TERF2: variants seen among roughly 807,000 people sequenced by gnomAD.
TERF2 encodes telomeric repeat binding factor 2, also known as telomeric repeat-binding factor 2.
A neutral mutation model predicts 56.1 loss-of-function variants in TERF2; 16 were observed. That is an observed-to-expected ratio of 0.29 (90% confidence interval 0.19 to 0.43). TERF2 has a LOEUF of 0.43. Among genes scored for constraint, TERF2 ranks in the 20% least tolerant of loss-of-function variants. The pLI is 1.00. For missense variants in TERF2, 547 were observed against 712.9 expected (o/e 0.77, Z 2.65); for synonymous variants, 296 against 282.1 (o/e 1.05, Z -0.50).
At chr16:69,377,795 A>T (rs2013848543) in intron 3 of TERF2, among the ~76,000 whole-genome samples, 2 of 150,854 alleles carry the variant, frequency 1.3e-5, no homozygotes, top group Admixed American at 1.3e-4. Flanking sequence ...TGCTGTTTTC[A>T]TGTGATGTAT....
chr16:69,370,739 A>T, intron 4 of TERF2, 110 bp from the exon 5 acceptor site: 1 of 1,092,698 alleles, frequency 9.2e-7, no homozygotes, highest in Non-Finnish European at 1.3e-6. Context: ...CCGTCAATGC[A>T]AATCACTGGC....
intron 5 of TERF2, 200 bp from the exon 6 acceptor site, chr16:69,368,682 A>G: frequency 7.2e-7 from 1 of 1,385,080 alleles, no homozygotes; most frequent in South Asian, 1.2e-5. Context: ...AAGATAACTA[A>G]TACATTTTTT....
intron 5 of TERF2, among the ~76,000 whole-genome samples, chr16:69,368,960 G>T (rs2013460034): frequency 6.6e-6 from 1 of 152,104 alleles, no homozygotes; most frequent in Admixed American, 6.6e-5. Context: ...ACAGGCATGA[G>T]CCACCATGCC....
At chr16:69,360,763 T>C (rs543174341) in intron 8 of TERF2, among the ~76,000 whole-genome samples, 2 of 151,986 alleles carry the variant, frequency 1.3e-5, no homozygotes, top group East Asian at 3.9e-4. Context: ...TTTTTTTTTC[T>C]TTAAACAAGA....
At chr16:69,361,298 T>A in intron 8 of TERF2, 106 bp downstream of exon 8, 3 of 826,468 alleles carry the variant, frequency 3.6e-6, no homozygotes, top group Non-Finnish European at 6.0e-6. Flanking sequence ...TTACTGAACT[T>A]TTTCTAGTTC....
intron 3 of TERF2, among the ~76,000 whole-genome samples, chr16:69,383,971 T>C (rs995132130): frequency 1.3e-5 from 2 of 152,246 alleles, no homozygotes. Flanking sequence ...TAATTTCTAC[T>C]GTTTGAAGCT....
chr16:69,366,972 A>G lies in TERF2; in HGVS notation c.1175T>C (p.Leu392Pro), dbSNP rs1236772828. The G allele has an allele frequency of 1.9e-6, 3 of 1,614,220 alleles. No individual in the cohort carries two copies. In the East Asian group the frequency reaches 6.7e-5, roughly 36 times the overall value. ...APADGEGGSE[L>P]QPKNKRMTIS... ...TGTCATGCGCTTGTTCTTGGGCTGC[A>G]GTTCCGAGCCACCCTCACCGTCAGC... The change falls in exon 7 of 10, where the codon CTG becomes CCG. Residue 392 changes from leucine (L) to proline (P), a missense_variant. Around this residue, in one of 6 missense-constraint regions of TERF2, gnomAD observed 211 missense variants for 236.8 expected, o/e 0.89. Coordinates refer to ENST00000254942, the MANE Select transcript of TERF2 (RefSeq NM_005652.5).
chr16:69,384,998 T>C (rs2014136779), intron 2 of TERF2, among the ~76,000 whole-genome samples: 1 of 152,118 alleles, frequency 6.6e-6, no homozygotes, highest in Admixed American at 6.6e-5. Context: ...CCTCCTCAGA[T>C]ACGAGTGGCA....
chr16:69,370,373 A>G (rs1330803821), intron 5 of TERF2, 110 bp downstream of exon 5: 1 of 1,421,534 alleles, frequency 7.0e-7, no homozygotes, highest in East Asian at 2.3e-5. Flanking sequence ...AAGCTAGTGC[A>G]TACAATTCAA....
chr16:69,361,621 A>T, intron 7 of TERF2, 132 bp from the exon 8 acceptor site: 1 of 684,356 alleles, frequency 1.5e-6, no homozygotes, highest in East Asian at 2.6e-5. Flanking sequence ...GTTCGCCTGC[A>T]TGCACCTCCC....
intron 7 of TERF2, chr16:69,365,898 T>C (rs1213168027): frequency 1.3e-5 from 2 of 152,212 alleles, no homozygotes; most frequent in Non-Finnish European, 2.9e-5. Flanking sequence ...CTGTCAAGAC[T>C]GACTTGGATT....
chr16:69,360,600 C>T (rs1207861739), intron 8 of TERF2, among the ~76,000 whole-genome samples: 1 of 150,850 alleles, frequency 6.6e-6, no homozygotes, highest in Non-Finnish European at 1.5e-5. Context: ...CCCCGATACT[C>T]CAGAGGCTAA....
chr16:69,374,274 T>C (rs1373926763), intron 3 of TERF2, among the ~76,000 whole-genome samples: 1 of 152,142 alleles, frequency 6.6e-6, no homozygotes, highest in Non-Finnish European at 1.5e-5. Context: ...CGTAGACTCC[T>C]GTATCATCCA....
intron 3 of TERF2, among the ~76,000 whole-genome samples, chr16:69,383,641 A>C (rs1438026005): frequency 6.6e-6 from 1 of 151,680 alleles, no homozygotes; most frequent in Non-Finnish European, 1.5e-5. Flanking sequence ...CCTTAATTAA[A>C]TAAATAAAAT....
intron 3 of TERF2, among the ~76,000 whole-genome samples, chr16:69,374,110 C>T (rs2013678858): frequency 1.3e-5 from 2 of 152,222 alleles, no homozygotes; most frequent in African/African-American, 2.4e-5. Context: ...ACATCACTTT[C>T]AGCAGAAAAA....
intron 3 of TERF2, among the ~76,000 whole-genome samples, chr16:69,375,032 G>A (rs2142750606): frequency 6.6e-6 from 1 of 152,228 alleles, no homozygotes; most frequent in East Asian, 1.9e-4. Context: ...CCTTGAGCTT[G>A]GCTCCTTTCA....
chr16:69,372,429 A>G (rs2013610415), intron 3 of TERF2, 74 bp from the exon 4 acceptor site: 4 of 956,970 alleles, frequency 4.2e-6, no homozygotes. Context: ...CATCAAAATA[A>G]CTCTCTCTCA....
chr16:69,360,147 G>A (rs1168137341), intron 8 of TERF2, among the ~76,000 whole-genome samples: 2 of 152,068 alleles, frequency 1.3e-5, no homozygotes, highest in Non-Finnish European at 2.9e-5. Flanking sequence ...AACACTTTGG[G>A]AGGCTGAGGC....
At chr16:69,384,441 CTG>C in intron 3 of TERF2, 137 bp downstream of exon 3, 1 of 876,794 alleles carries the variant, frequency 1.1e-6, no homozygotes, top group South Asian at 2.1e-5. Context: ...GAAATAACGT[CTG>C]TGTGTGTGCT....
Sources: gnomAD v4.1 joint callset for allele counts (sites outside exome capture counted in the v4.1 genomes callset) on GRCh38, gnomAD v4.1.1 for gene constraint, gnomAD v4.1.1 regional missense constraint, MANE v1.5 for transcripts, NCBI Gene and HGNC (gene_info 2026-07-23, HGNC 2026-07-21) for gene names.